Variants in SYT16 observed in about 807,000 individuals in gnomAD.
SYT16 encodes the protein synaptotagmin 16, also known as synaptotagmin-16.
SYT16 carries 42 observed loss-of-function variants against 61.4 expected under a neutral mutation model. The observed-to-expected ratio is 0.68, with a 90% CI of 0.53 to 0.89. The LOEUF (loss-of-function observed/expected upper bound fraction) is 0.89, where lower values mean the gene tolerates loss of function less well. Ranked by LOEUF, SYT16 falls within the 40% of genes least tolerant of loss-of-function variation. The pLI is 0.00. For synonymous variants in SYT16, 314 were observed against 302.3 expected, an observed-to-expected ratio of 1.04 and a Z score of -0.40; for missense variants, 804 against 807.3, an observed-to-expected ratio of 1.00 and a Z score of 0.05.
chr14:61,873,117 A>G (rs1029022069), intron 1 of SYT16, among the ~76,000 whole-genome samples: 1 of 152,250 alleles, frequency 6.6e-6, no homozygotes, highest in African/African-American at 2.4e-5. Flanking sequence ...TATTGATTAT[A>G]GATAGATCCT....
chr14:61,956,349 G>C (rs1428053866), intron 1 of SYT16, among the ~76,000 whole-genome samples: 1 of 151,810 alleles, frequency 6.6e-6, no homozygotes, highest in African/African-American at 2.4e-5. Flanking sequence ...CTGTGCTTTT[G>C]GTGTCCTATC....
chr14:62,060,143 T>C (rs994747083), intron 3 of SYT16, among the ~76,000 whole-genome samples: 5 of 152,096 alleles, frequency 3.3e-5, no homozygotes, highest in East Asian at 1.9e-4. Flanking sequence ...CTTGTCAAAC[T>C]TGACAAAAAA....
At chr14:62,017,880 A>T (rs1472245244) in intron 3 of SYT16, among the ~76,000 whole-genome samples, 2 of 151,824 alleles carry the variant, frequency 1.3e-5, no homozygotes, top group Non-Finnish European at 2.9e-5. Context: ...CACCTGGCTA[A>T]TTTTTTTCAT....
intron 1 of SYT16, among the ~76,000 whole-genome samples, chr14:61,954,748 G>GCTTA (rs1232423149): frequency 2.0e-5 from 3 of 151,974 alleles, no homozygotes; most frequent in Admixed American, 2.0e-4. Context: ...TGCCACCTTG[G>GCTTA]CTTACACTGA....
chr14:61,824,058 A>G (rs1473765915), intron 1 of SYT16, among the ~76,000 whole-genome samples: 1 of 152,200 alleles, frequency 6.6e-6, no homozygotes, highest in Non-Finnish European at 1.5e-5. Context: ...AAATTGGTCT[A>G]TATAAAATGA....
rs566326747 is a variant in SYT16, at chr14:61,904,219, C to T, written c.-324-65913C>T. Among the ~76,000 whole-genome samples the T allele has an allele frequency of 1.7e-4, 26 of 152,340 alleles. 1 individual carries two copies. In the South Asian group the frequency reaches 5.2e-3, roughly 30 times the overall value. ...GTTTTGAATGCCCTCCATTATACCA[C>T]ATGTGGGACTTGATTTAGGACTATC... On this transcript the variant is annotated intron_variant, in intron 1 of 7. Transcript: ENST00000683842.
At chr14:61,844,473 G>A (rs2046384902) in intron 1 of SYT16, among the ~76,000 whole-genome samples, 1 of 152,098 alleles carries the variant, frequency 6.6e-6, no homozygotes, top group Admixed American at 6.6e-5. Flanking sequence ...AAATCTTACA[G>A]GAAAGGCTTT....
At chr14:62,061,528 G>A (rs115140005) in intron 3 of SYT16, among the ~76,000 whole-genome samples, 103 of 152,140 alleles carry the variant, frequency 6.8e-4, no homozygotes, top group African/African-American at 2.4e-3. Context: ...AAACACAGAC[G>A]GGTTGAAAAT....
At chr14:61,892,986 G>A (rs1173476000) in intron 1 of SYT16, among the ~76,000 whole-genome samples, 1 of 152,084 alleles carries the variant, frequency 6.6e-6, no homozygotes, top group Admixed American at 6.5e-5. Flanking sequence ...GGTGACTCAG[G>A]TGTGGTCCTG....
At chr14:61,895,644 A>G (rs559056199) in intron 1 of SYT16, among the ~76,000 whole-genome samples, 1 of 152,318 alleles carries the variant, frequency 6.6e-6, no homozygotes, top group South Asian at 2.1e-4. Context: ...ACCACTAGCT[A>G]CTATTGTATT....
chr14:61,818,708 A>G (rs1319565783), intron 1 of SYT16, among the ~76,000 whole-genome samples: 1 of 151,708 alleles, frequency 6.6e-6, no homozygotes, highest in Non-Finnish European at 1.5e-5. Flanking sequence ...GCATTTAGAT[A>G]TTATTAATGT....
intron 2 of SYT16, among the ~76,000 whole-genome samples, chr14:61,990,550 T>A (rs1483077221): frequency 1.3e-5 from 2 of 152,186 alleles, no homozygotes; most frequent in Non-Finnish European, 2.9e-5. Context: ...ATTGGAAACA[T>A]GTTCTTGTCT....
intron 1 of SYT16, among the ~76,000 whole-genome samples, chr14:61,868,347 G>T (rs892268528): frequency 6.6e-6 from 1 of 151,088 alleles, no homozygotes; most frequent in African/African-American, 2.4e-5. Flanking sequence ...CTTAATTTTT[G>T]CTTTCATCTG....
chr14:61,916,243 A>G (rs964586108), intron 1 of SYT16, among the ~76,000 whole-genome samples: 1 of 152,172 alleles, frequency 6.6e-6, no homozygotes, highest in Non-Finnish European at 1.5e-5. Context: ...GTCTTTGTTC[A>G]GGAAATATCC....
At chr14:62,025,436 A>G (rs1157972543) in intron 3 of SYT16, among the ~76,000 whole-genome samples, 1 of 151,984 alleles carries the variant, frequency 6.6e-6, no homozygotes, top group Non-Finnish European at 1.5e-5. Context: ...CCCATTTTTA[A>G]TTGGGTTTTT....
intron 3 of SYT16, among the ~76,000 whole-genome samples, chr14:62,065,535 T>C (rs2056025635): frequency 6.6e-6 from 1 of 152,224 alleles, no homozygotes; most frequent in Admixed American, 6.5e-5. Context: ...TACTAATAAA[T>C]TAGTTGCAAT....
chr14:61,816,208 T>C (rs941972549), intron 1 of SYT16, among the ~76,000 whole-genome samples: 2 of 152,056 alleles, frequency 1.3e-5, no homozygotes, highest in African/African-American at 2.4e-5. Flanking sequence ...TTTCCCTCCT[T>C]CTTTCTTGTT....
At chr14:62,002,218 G>C (rs992459249) in intron 3 of SYT16, among the ~76,000 whole-genome samples, 4 of 152,008 alleles carry the variant, frequency 2.6e-5, no homozygotes, top group Admixed American at 2.6e-4. Flanking sequence ...TCTAATGCAG[G>C]ATGTTTAGTG....
intron 3 of SYT16, among the ~76,000 whole-genome samples, chr14:62,045,721 C>T (rs796363466): frequency 1.3e-5 from 2 of 151,974 alleles, no homozygotes; most frequent in Admixed American, 6.6e-5. Flanking sequence ...TTTGTCCTTG[C>T]AATAGTTTGC....
Sources: allele counts gnomAD v4.1 joint callset (sites outside exome capture counted in the v4.1 genomes callset), GRCh38; gene constraint gnomAD v4.1.1; transcripts MANE v1.5; gene names NCBI Gene and HGNC (gene_info 2026-07-23, HGNC 2026-07-21).